The following ZNF736 variants were observed in gnomAD, a reference collection of about 807,000 sequenced individuals.
The protein encoded by ZNF736 is zinc finger protein 736, also known as KRAB-containing zinc-finger repressor protein.
ZNF736 carries 6 observed loss-of-function variants against 11.7 expected under a neutral mutation model. That is an observed-to-expected ratio of 0.51 (90% CI 0.28 to 1.01). ZNF736 has a LOEUF of 1.01. Ranked by LOEUF, ZNF736 falls within the 50% of genes least tolerant of loss-of-function variation. ZNF736 has a pLI of 0.09. For missense variants in ZNF736, 444 were observed against 496.0 expected (o/e 0.90, Z 1.00); for synonymous variants, 139 against 164.7 (o/e 0.84, Z 1.19).
intron 1 of ZNF736, among the ~76,000 whole-genome samples, chr7:64,329,441 C>T (rs539960847): frequency 3.9e-5 from 6 of 152,136 alleles, no homozygotes; most frequent in Non-Finnish European, 7.3e-5. Context: ...TAATCTGAGT[C>T]TGATCATTGC....
chr7:64,334,158 A>T (rs1789213653), intron 1 of ZNF736, among the ~76,000 whole-genome samples: 1 of 152,240 alleles, frequency 6.6e-6, no homozygotes, highest in Non-Finnish European at 1.5e-5. Flanking sequence ...AGATGGATTA[A>T]AGACTTAAAT....
intron 1 of ZNF736, among the ~76,000 whole-genome samples, chr7:64,320,031 T>C (rs1242969382): frequency 6.6e-6 from 1 of 152,094 alleles, no homozygotes; most frequent in Non-Finnish European, 1.5e-5. Flanking sequence ...ACAACAAAAG[T>C]TTCTATTACA....
chr7:64,317,528 A>G lies in ZNF736; in HGVS notation c.3+3375A>G, dbSNP rs560854248. On this transcript the variant is annotated intron_variant, in intron 1 of 3. Transcript: ENST00000423484. ...GCTATGTAGAGAGAGCAGTGACCAG[A>G]TATTTTAAAAGACATTACCCTTCAA... 1.1e-4 allele frequency among the ~76,000 whole-genome samples: 16 copies of G among 152,328 alleles called. No individual in the cohort carries two copies. In the South Asian group the frequency reaches 3.1e-3, roughly 30 times the overall value.
intron 1 of ZNF736, among the ~76,000 whole-genome samples, chr7:64,323,276 T>C (rs1228658143): frequency 6.6e-6 from 1 of 152,190 alleles, no homozygotes; most frequent in East Asian, 1.9e-4. Context: ...ATAAGAAATT[T>C]TGAAACACAG....
chr7:64,328,254 GT>G lies in ZNF736; in HGVS notation c.4-7994del, dbSNP rs71060587. ...CTCAGCTTGTTTGTCAGTTGTTTTT[GT>G]TTTTTTTTTTATGGTAGAAGGATAT... On this transcript the variant is annotated intron_variant, in intron 1 of 3. Transcript: ENST00000423484. 4.7e-5 allele frequency among the ~76,000 whole-genome samples: 7 copies of G among 147,456 alleles called. 1 individual carries two copies. Among genetic ancestry groups the G allele is most frequent in the Admixed American group, 1.3e-4 (2 of 14,858 alleles).
chr7:64,353,525 C>T lies in ZNF736; in HGVS notation c.*4378C>T, dbSNP rs754198004. On this transcript the variant is annotated 3_prime_UTR_variant, in exon 4 of 4. Coordinates refer to ENST00000423484, the MANE Select transcript of ZNF736 (RefSeq NM_001170905.3). ...AAATTTCAATATAATTTAACTCTTA[C>T]ATTTGATGCTGTGTCTTCATTTCTA... 4 of 152,194 alleles carry T rather than the reference C, an allele frequency of 2.6e-5. No homozygotes were observed. The highest frequency in any genetic ancestry group is 2.9e-5 in the Non-Finnish European group (2 of 68,028). 9.4% of individuals were successfully genotyped at this position (152,194 alleles called of 1,614,324 possible). A position where few individuals can be genotyped will look rare whatever the true frequency, so the allele number is the denominator to read the frequency against.
intron 1 of ZNF736, among the ~76,000 whole-genome samples, chr7:64,316,742 T>TA (rs60015728): frequency 1.3e-4 from 19 of 151,184 alleles, no homozygotes; most frequent in African/African-American, 2.4e-4. Flanking sequence ...CTTGAAAGAT[T>TA]AAAAAAAAAA....
chr7:64,330,413 T>C (rs150421581), intron 1 of ZNF736, among the ~76,000 whole-genome samples: 2,519 of 151,974 alleles, frequency 0.017, 71 homozygotes, highest in South Asian at 0.1. Context: ...CGCCTTGGCC[T>C]CCCAAAGTGC....
At chr7:64,347,196 T>C (rs1232351199) in intron 3 of ZNF736, among the ~76,000 whole-genome samples, 1 of 151,404 alleles carries the variant, frequency 6.6e-6, no homozygotes, top group Admixed American at 6.6e-5. Flanking sequence ...CTTGTGTGTT[T>C]TTTAGTTAAA....
At chr7:64,316,369 A>G (rs610780) in intron 1 of ZNF736, among the ~76,000 whole-genome samples, 149,364 of 152,328 alleles carry the variant, frequency 0.98, 73,290 homozygotes, top group Non-Finnish European at 1. Context: ...TCAGGTGCTG[A>G]TATTGAGGGG....
rs1246933923 is a variant in ZNF736, at chr7:64,348,731, T to C, written c.868T>C (p.Cys290Arg). ...AGAGAAACCCTACAAATGTGAAGAA[T>C]GTAACAAAGCCTATAGGTGGTTCTC... ...TGEKPYKCEECNKAYRWFSDL... is the reference protein window; with the variant it reads ...TGEKPYKCEERNKAYRWFSDL... Residue 290 changes from cysteine (C) to arginine (R), a missense_variant, in exon 4 of 4, where the codon TGT (cysteine) becomes CGT (arginine). Physicochemically the swap from Cys to Arg is radical, Grantham distance 180 (BLOSUM62 -3). Transcript: ENST00000423484. The C allele has an allele frequency of 1.9e-6, 3 of 1,606,060 alleles. No homozygotes were observed. Among genetic ancestry groups the C allele is most frequent in the Non-Finnish European group, 2.6e-6 (3 of 1,176,316 alleles).
intron 1 of ZNF736, among the ~76,000 whole-genome samples, chr7:64,329,575 T>C (rs1181784643): frequency 6.6e-6 from 1 of 152,164 alleles, no homozygotes; most frequent in Non-Finnish European, 1.5e-5. Flanking sequence ...CCAGGCAGAC[T>C]CTTTTTCTAT....
chr7:64,316,446 A>C (rs540609558), intron 1 of ZNF736, among the ~76,000 whole-genome samples: 1 of 152,356 alleles, frequency 6.6e-6, no homozygotes, highest in South Asian at 2.1e-4. Flanking sequence ...ACTGTCCCAA[A>C]GTACAGGAAA....
At chr7:64,334,692 T>C (rs1201958412) in intron 1 of ZNF736, among the ~76,000 whole-genome samples, 1 of 152,056 alleles carries the variant, frequency 6.6e-6, no homozygotes, top group Non-Finnish European at 1.5e-5. Context: ...TTGGTGGGAG[T>C]GTAAATTAGT....
intron 3 of ZNF736, among the ~76,000 whole-genome samples, chr7:64,347,783 G>A (rs1472576650): frequency 6.6e-6 from 1 of 152,146 alleles, no homozygotes; most frequent in African/African-American, 2.4e-5. Context: ...ACAGGAGTTT[G>A]GAGTCTATAG....
chr7:64,343,391 A>G (rs1378315004), intron 3 of ZNF736, among the ~76,000 whole-genome samples: 8 of 152,240 alleles, frequency 5.3e-5, no homozygotes, highest in Admixed American at 5.2e-4. Flanking sequence ...TGAAAACAAT[A>G]GACACTGGGG....
At chr7:64,319,879 G>C (rs1788980555) in intron 1 of ZNF736, among the ~76,000 whole-genome samples, 1 of 151,898 alleles carries the variant, frequency 6.6e-6, no homozygotes, top group Non-Finnish European at 1.5e-5. Context: ...TTTGGAGATG[G>C]GGCATTTTTG....
chr7:64,337,747 T>TA (rs1789275570), intron 3 of ZNF736, among the ~76,000 whole-genome samples: 1 of 19,020 alleles, frequency 5.3e-5, no homozygotes, highest in African/African-American at 1.9e-4. Flanking sequence ...TTTTGTTTTG[T>TA]TTTTTTTGGT....
intron 1 of ZNF736, among the ~76,000 whole-genome samples, chr7:64,319,329 A>G (rs796713921): frequency 1.1e-3 from 54 of 50,524 alleles, no homozygotes; most frequent in African/African-American, 2.1e-3. Flanking sequence ...GTGTGTGTGT[A>G]TGTGTATATA....
Sources: gnomAD v4.1 joint callset for allele counts (sites outside exome capture counted in the v4.1 genomes callset) on GRCh38, gnomAD v4.1.1 for gene constraint, MANE v1.5 for transcripts, NCBI Gene and HGNC (gene_info 2026-07-23, HGNC 2026-07-21) for gene names.